Variants in EYA4 observed in about 807,000 individuals in gnomAD.
The protein encoded by EYA4 is protein phosphatase EYA4.
EYA4 carries 31 observed loss-of-function variants against 87.9 expected under a neutral mutation model. That is an observed-to-expected ratio of 0.35 (90% CI 0.27 to 0.48). The LOEUF (loss-of-function observed/expected upper bound fraction) is 0.48, where lower values mean the gene tolerates loss of function less well. Ranked by LOEUF, EYA4 falls within the 20% of genes least tolerant of loss-of-function variation. EYA4 has a pLI of 0.99. For synonymous variants in EYA4, 263 were observed against 270.6 expected, an observed-to-expected ratio of 0.97 and a Z score of 0.28; for missense variants, 678 against 761.4, an observed-to-expected ratio of 0.89 and a Z score of 1.29.
chr6:133,496,849 A>T (rs1797685557), intron 13 of EYA4, among the ~76,000 whole-genome samples: 1 of 152,226 alleles, frequency 6.6e-6, no homozygotes, highest in Non-Finnish European at 1.5e-5. Context: ...AGATGTTTTC[A>T]GACCTGCAAG....
rs34286005 is a variant in EYA4, at chr6:133,517,426, T to TA, written c.1616+1998dup. 1.8e-3 allele frequency among the ~76,000 whole-genome samples: 277 copies of TA among 150,306 alleles called. 1 individual carries two copies. The highest frequency in any genetic ancestry group is 6.6e-3 in the African/African-American group (268 of 40,842). ...GAATAAGATGACAAATTGTTAGTTT[T>TA]AAAAAAAGAAGAAAAAAGCATGCTT... On this transcript the variant is annotated intron_variant, in intron 17 of 19. Coordinates refer to ENST00000355286, the MANE Select transcript of EYA4 (RefSeq NM_004100.5).
intron 3 of EYA4, among the ~76,000 whole-genome samples, chr6:133,410,485 A>G (rs946324536): frequency 1.3e-5 from 2 of 151,164 alleles, no homozygotes; most frequent in African/African-American, 4.8e-5. Flanking sequence ...TTGGATAATT[A>G]CTATTAAGGT....
intron 1 of EYA4, chr6:133,248,810 T>C (rs567212940): frequency 6.6e-5 from 10 of 152,284 alleles, no homozygotes; most frequent in African/African-American, 2.4e-4. Flanking sequence ...TTCTAGTAGG[T>C]AACTTAAGCA....
intron 2 of EYA4, among the ~76,000 whole-genome samples, chr6:133,365,849 A>T (rs1244643599): frequency 6.6e-6 from 1 of 152,106 alleles, no homozygotes; most frequent in Non-Finnish European, 1.5e-5. Flanking sequence ...TATGAAGGGC[A>T]TGATCCCAGA....
chr6:133,439,809 A>G (rs1562422636), intron 3 of EYA4, among the ~76,000 whole-genome samples: 1 of 152,336 alleles, frequency 6.6e-6, no homozygotes, highest in South Asian at 2.1e-4. Flanking sequence ...ACCAGGAATC[A>G]CATTGTTAGC....
chr6:133,529,537 A>G lies in EYA4; in HGVS notation c.*732A>G, dbSNP rs902919934. ...TGTAGATAATGAAAAAAAACAAAAA[A>G]AAAAACCTTTGTGATGATTCTTAAC... On this transcript the variant is annotated 3_prime_UTR_variant, in exon 20 of 20. Coordinates refer to ENST00000355286, the MANE Select transcript of EYA4 (RefSeq NM_004100.5). 6.2e-5 allele frequency: 61 copies of G among 984,682 alleles called. No individual in the cohort carries two copies. Among genetic ancestry groups the G allele is most frequent in the Non-Finnish European group, 6.8e-5 (56 of 829,044 alleles). The allele number at this position is 984,682 out of a possible 1,614,324, so 61.0% of individuals were successfully genotyped here. A position where few individuals can be genotyped will look rare whatever the true frequency, so the allele number is the denominator to read the frequency against.
chr6:133,436,235 AAAAG>A (rs1375670860), intron 3 of EYA4, among the ~76,000 whole-genome samples: 7 of 152,058 alleles, frequency 4.6e-5, no homozygotes, highest in African/African-American at 1.7e-4. Context: ...AAAAAAAAAA[AAAAG>A]AAATTTCCAC....
intron 2 of EYA4, 113 bp downstream of exon 2, chr6:133,274,926 T>G: frequency 1.2e-6 from 1 of 854,210 alleles, no homozygotes; most frequent in Non-Finnish European, 1.9e-6. Flanking sequence ...TATTTTTAAA[T>G]GATTTTTGAA....
At chr6:133,376,998 T>G (rs1355280852) in intron 2 of EYA4, among the ~76,000 whole-genome samples, 8 of 152,008 alleles carry the variant, frequency 5.3e-5, no homozygotes, top group Admixed American at 3.9e-4. Context: ...TCTACTCCTT[T>G]ATTCTGCTTT....
Position 133,530,811 on chromosome 6 carries a change from G to A in EYA4, c.*2006G>A, listed in dbSNP as rs1353782547. ...GCATCTGCCCCAAGTACTATTCCAG[G>A]CAAATTAAAGTTGGAATACCTTTAA... On this transcript the variant is annotated 3_prime_UTR_variant, in exon 20 of 20. Coordinates refer to ENST00000355286, the MANE Select transcript of EYA4 (RefSeq NM_004100.5). The A allele has an allele frequency of 1.0e-6, 1 of 990,384 alleles. No homozygotes were observed. The highest frequency in any genetic ancestry group is 1.7e-5 in the African/African-American group (1 of 57,448). 61.3% of individuals were successfully genotyped at this position (990,384 alleles called of 1,614,324 possible).
At chr6:133,258,436 T>G (rs1338322698) in intron 1 of EYA4, among the ~76,000 whole-genome samples, 1 of 152,202 alleles carries the variant, frequency 6.6e-6, no homozygotes, top group Non-Finnish European at 1.5e-5. Flanking sequence ...CTTCACCAAA[T>G]TCGTTTCTTT....
intron 1 of EYA4, among the ~76,000 whole-genome samples, chr6:133,261,517 A>G (rs1421195638): frequency 1.3e-5 from 2 of 152,200 alleles, no homozygotes; most frequent in Non-Finnish European, 2.9e-5. Context: ...GTTATACAGA[A>G]TGACAACTAA....
At chr6:133,479,018 AC>A (rs1298027578) in intron 11 of EYA4, among the ~76,000 whole-genome samples, 1 of 152,158 alleles carries the variant, frequency 6.6e-6, no homozygotes, top group Non-Finnish European at 1.5e-5. Context: ...ATCTATAATG[AC>A]TATAAGGAGA....
chr6:133,362,003 T>C (rs1161938148), intron 2 of EYA4, among the ~76,000 whole-genome samples: 4 of 152,224 alleles, frequency 2.6e-5, no homozygotes, highest in African/African-American at 9.6e-5. Flanking sequence ...ACAACAGTTA[T>C]AATTTCATGC....
At chr6:133,416,014 G>T (rs1332521164) in intron 3 of EYA4, among the ~76,000 whole-genome samples, 1 of 152,162 alleles carries the variant, frequency 6.6e-6, no homozygotes, top group Non-Finnish European at 1.5e-5. Context: ...GTAAAAAGAG[G>T]TAAGGTTTTC....
intron 13 of EYA4, among the ~76,000 whole-genome samples, chr6:133,490,941 A>G (rs1480716881): frequency 6.6e-6 from 1 of 152,242 alleles, no homozygotes; most frequent in Non-Finnish European, 1.5e-5. Flanking sequence ...CATTCTCATG[A>G]TAGACCACAT....
chr6:133,342,788 T>C (rs1782900113), intron 2 of EYA4, among the ~76,000 whole-genome samples: 1 of 151,758 alleles, frequency 6.6e-6, no homozygotes, highest in Admixed American at 6.6e-5. Context: ...CTAGGATTGA[T>C]AGAAATTAAA....
upstream of EYA4, chr6:133,241,342 G>C (rs1262704355): frequency 1.3e-5 from 2 of 152,170 alleles, no homozygotes; most frequent in African/African-American, 4.8e-5. Context: ...CGCTCCGGCC[G>C]TTCCCGGCTT....
At chr6:133,374,621 G>C (rs1371667430) in intron 2 of EYA4, among the ~76,000 whole-genome samples, 3 of 151,974 alleles carry the variant, frequency 2.0e-5, no homozygotes, top group Non-Finnish European at 4.4e-5. Context: ...CAGACTTCCA[G>C]GTATGCAGTA....
Sources: gnomAD v4.1 joint callset for allele counts (sites outside exome capture counted in the v4.1 genomes callset) on GRCh38, gnomAD v4.1.1 for gene constraint, MANE v1.5 for transcripts, NCBI Gene and HGNC (gene_info 2026-07-23, HGNC 2026-07-21) for gene names.